The following NFATC3 variants were observed in gnomAD, a reference collection of about 807,000 sequenced individuals.
NFATC3 encodes nuclear factor of activated T-cells, cytoplasmic 3.
In NFATC3, 46 loss-of-function variants were observed where a neutral mutation model predicts 98.6. The ratio of observed to expected loss-of-function variants is 0.47; its 90% CI spans 0.37 to 0.60. NFATC3 has a LOEUF of 0.60. Ranked by LOEUF, NFATC3 falls within the 20% of genes least tolerant of loss-of-function variation. The probability of loss-of-function intolerance (pLI) is 0.00; values close to 1 mark genes in which losing one functional copy is unlikely to be tolerated. For missense variants in NFATC3, 1,256 were observed against 1,295.5 expected (o/e 0.97, Z 0.47); for synonymous variants, 512 against 472.2 (o/e 1.08, Z -1.09).
At chr16:68,134,775 G>T (rs746246352) in intron 3 of NFATC3, among the ~76,000 whole-genome samples, 19 of 152,018 alleles carry the variant, frequency 1.2e-4, no homozygotes, top group Non-Finnish European at 2.5e-4. Flanking sequence ...TTGTTGGGAG[G>T]TTTCTATTTT....
intron 9 of NFATC3, among the ~76,000 whole-genome samples, chr16:68,207,664 A>G (rs1174775738): frequency 6.6e-6 from 1 of 152,112 alleles, no homozygotes; most frequent in African/African-American, 2.4e-5. Context: ...GGGTTTCACC[A>G]TGTTGGCCAC....
chr16:68,100,904 T>TGTGG (rs1555513128), intron 1 of NFATC3, among the ~76,000 whole-genome samples: 5 of 139,846 alleles, frequency 3.6e-5, no homozygotes, highest in East Asian at 3.9e-4. Context: ...TGTGTGTGTG[T>TGTGG]GGGGTGTGTG....
At chr16:68,169,548 C>T (rs553920735) in intron 5 of NFATC3, among the ~76,000 whole-genome samples, 3 of 152,092 alleles carry the variant, frequency 2.0e-5, no homozygotes, top group Non-Finnish European at 4.4e-5. Flanking sequence ...CCACCATGCT[C>T]GGCTGGCAAA....
chr16:68,111,784 T>G (rs2035958309), intron 1 of NFATC3, among the ~76,000 whole-genome samples: 1 of 152,256 alleles, frequency 6.6e-6, no homozygotes, highest in South Asian at 2.1e-4. Context: ...CCATATTTAG[T>G]GCTTCCTTCA....
At chr16:68,167,607 G>T (rs1244590356) in intron 5 of NFATC3, among the ~76,000 whole-genome samples, 3 of 151,952 alleles carry the variant, frequency 2.0e-5, no homozygotes, top group Non-Finnish European at 2.9e-5. Context: ...GAAATATTGA[G>T]ACTAATACTT....
At chr16:68,188,475 C>A (rs1256121623) in intron 8 of NFATC3, among the ~76,000 whole-genome samples, 2 of 152,352 alleles carry the variant, frequency 1.3e-5, no homozygotes, top group African/African-American at 2.4e-5. Flanking sequence ...CCAGCTCCCA[C>A]CAGCTCTGTG....
At chr16:68,099,762 G>C (rs527764737) in intron 1 of NFATC3, among the ~76,000 whole-genome samples, 1 of 152,106 alleles carries the variant, frequency 6.6e-6, no homozygotes, top group South Asian at 2.1e-4. Flanking sequence ...ATTATTTCAA[G>C]AAAATGTTAG....
At position 68,126,599 on chromosome 16, in the gene NFATC3, C is replaced by A; in HGVS notation, c.1390C>A (p.Pro464Thr). Residue 464 changes from proline (P) to threonine (T), a missense_variant, in exon 3 of 10, where the codon CCT (proline) becomes ACT (threonine). Physicochemically the swap from Pro to Thr is conservative, Grantham distance 38. This residue lies in a region of NFATC3 where 156 missense variants were observed against 212.4 expected (regional missense o/e 0.73). Transcript: ENST00000346183. ...GAVKASTGGHPVVKLLGYNEK... is the reference protein window; with the variant it reads ...GAVKASTGGHTVVKLLGYNEK... Reference sequence around the variant, plus strand: ...AGTAAAAGCATCTACTGGGGGACATCCTGTTGTGAAGGTATGAGACTTTTG... The same window carrying A: ...AGTAAAAGCATCTACTGGGGGACATACTGTTGTGAAGGTATGAGACTTTTG... 6.2e-7 allele frequency: 1 copy of A among 1,614,020 alleles called. No homozygotes were observed. Among genetic ancestry groups the A allele is most frequent in the Non-Finnish European group, 8.5e-7 (1 of 1,179,954 alleles).
At chr16:68,092,064 T>C (rs935983276) in intron 1 of NFATC3, among the ~76,000 whole-genome samples, 2 of 152,224 alleles carry the variant, frequency 1.3e-5, no homozygotes, top group African/African-American at 4.8e-5. Context: ...CTGTTGGCAA[T>C]TGGGGCTCTA....
intron 6 of NFATC3, among the ~76,000 whole-genome samples, chr16:68,175,085 T>A (rs897307521): frequency 6.6e-6 from 1 of 152,242 alleles, no homozygotes; most frequent in Non-Finnish European, 1.5e-5. Flanking sequence ...GGAATATTAC[T>A]TGGTTATAAA....
At chr16:68,098,861 CA>C (rs2035185278) in intron 1 of NFATC3, among the ~76,000 whole-genome samples, 1 of 152,182 alleles carries the variant, frequency 6.6e-6, no homozygotes, top group South Asian at 2.1e-4. Flanking sequence ...GCTTTTTACC[CA>C]TTTAAAAAAG....
intron 3 of NFATC3, among the ~76,000 whole-genome samples, chr16:68,128,273 A>G (rs1242857590): frequency 6.6e-6 from 1 of 152,070 alleles, no homozygotes; most frequent in Non-Finnish European, 1.5e-5. Context: ...TTATCTGATC[A>G]TGTTTTATAG....
intron 4 of NFATC3, among the ~76,000 whole-genome samples, chr16:68,163,257 C>T (rs2038984778): frequency 1.3e-5 from 2 of 152,190 alleles, no homozygotes; most frequent in South Asian, 4.1e-4. Flanking sequence ...GTTGGGTACA[C>T]CTCCCAGACG....
At chr16:68,089,304 A>G (rs937460004) in intron 1 of NFATC3, 5 of 981,912 alleles carry the variant, frequency 5.1e-6, no homozygotes, top group Non-Finnish European at 4.8e-6. Context: ...TGGACTTGAT[A>G]ACGCTTAATA....
At chr16:68,150,612 G>T (rs745680855) in intron 3 of NFATC3, among the ~76,000 whole-genome samples, 1 of 151,840 alleles carries the variant, frequency 6.6e-6, no homozygotes, top group Admixed American at 6.6e-5. Flanking sequence ...TTGACTACAC[G>T]TATAATTTTA....
chr16:68,100,324 G>A (rs1474939203), intron 1 of NFATC3, among the ~76,000 whole-genome samples: 1 of 152,022 alleles, frequency 6.6e-6, no homozygotes, highest in Admixed American at 6.6e-5. Flanking sequence ...TGTAATCCCA[G>A]CACTTTGGGA....
At chr16:68,198,304 T>G (rs1401000215) in intron 9 of NFATC3, among the ~76,000 whole-genome samples, 1 of 152,020 alleles carries the variant, frequency 6.6e-6, no homozygotes, top group Non-Finnish European at 1.5e-5. Context: ...GGTGACAGAA[T>G]GAGACCCTTG....
intron 1 of NFATC3, among the ~76,000 whole-genome samples, chr16:68,110,308 A>AT (rs139459907): frequency 0.14 from 15,312 of 110,190 alleles, 1,019 homozygotes; most frequent in Middle Eastern, 0.22. Flanking sequence ...CCTGGCCTGA[A>AT]TTTTTTTTTT....
intron 9 of NFATC3, chr16:68,209,708 G>A (rs917832069): frequency 3.7e-5 from 17 of 459,438 alleles, no homozygotes; most frequent in Non-Finnish European, 8.6e-6. Flanking sequence ...TAGGGGGAAT[G>A]GTTAGGTCTC....
Sources: gnomAD v4.1 joint callset for allele counts (sites outside exome capture counted in the v4.1 genomes callset) on GRCh38, gnomAD v4.1.1 for gene constraint, gnomAD v4.1.1 regional missense constraint, MANE v1.5 for transcripts, NCBI Gene and HGNC (gene_info 2026-07-23, HGNC 2026-07-21) for gene names.